Variants in NBEA observed in about 807,000 individuals in gnomAD.
NBEA encodes lysosomal-trafficking regulator 2.
NBEA carries 44 observed loss-of-function variants against 343.4 expected under a neutral mutation model. The ratio of observed to expected loss-of-function variants is 0.13; its 90% CI spans 0.10 to 0.16. The LOEUF is 0.16. Among genes scored for constraint, NBEA ranks in the 10% least tolerant of loss-of-function variants. The pLI is 1.00. For missense variants in NBEA, 2,555 were observed against 3,631.3 expected, an observed-to-expected ratio of 0.70 and a Z score of 7.62; for synonymous variants, 1,175 against 1,238.7, an observed-to-expected ratio of 0.95 and a Z score of 1.08.
At chr13:35,232,432 GTTTA>G (rs2075028089) in intron 33 of NBEA, 56 bp from the exon 34 acceptor site, 5 of 1,151,892 alleles carry the variant, frequency 4.3e-6, no homozygotes, top group Non-Finnish European at 6.1e-6. Context: ...TAGAAGTAAA[GTTTA>G]TTTGACATTT....
chr13:35,668,928 A>C (rs1280004066), intron 58 of NBEA, among the ~76,000 whole-genome samples: 2 of 152,212 alleles, frequency 1.3e-5, no homozygotes, highest in Non-Finnish European at 2.9e-5. Context: ...TTTCCAGCAA[A>C]GTGCATAGTG....
At chr13:35,273,973 C>G (rs892313280) in intron 34 of NBEA, among the ~76,000 whole-genome samples, 1 of 152,122 alleles carries the variant, frequency 6.6e-6, no homozygotes, top group Non-Finnish European at 1.5e-5. Flanking sequence ...TGAAACTATT[C>G]CAATCAATAG....
At chr13:35,392,124 C>A (rs182034767) in intron 38 of NBEA, among the ~76,000 whole-genome samples, 9 of 152,092 alleles carry the variant, frequency 5.9e-5, no homozygotes, top group African/African-American at 2.2e-4. Context: ...CTACAAATAT[C>A]ATATTTGTAT....
intron 1 of NBEA, among the ~76,000 whole-genome samples, chr13:34,973,827 C>A (rs1163487397): frequency 6.6e-6 from 1 of 152,170 alleles, no homozygotes; most frequent in Non-Finnish European, 1.5e-5. Context: ...ATTCAGCCCC[C>A]TTCCCAGGGG....
Position 35,183,993 on chromosome 13 carries a change from A to G in NBEA, c.4849A>G (p.Ile1617Val). Reference sequence around the variant, plus strand: ...CTCCACAGTTGTGGTCATACCATCTATCCCTCATCCAAGTTTGAACCATGG... The same window carrying G: ...CTCCACAGTTGTGGTCATACCATCTGTCCCTCATCCAAGTTTGAACCATGG... ...PTSTVVVIPSIPHPSLNHGFL... is the reference protein window; with the variant it reads ...PTSTVVVIPSVPHPSLNHGFL... Residue 1617 changes from isoleucine (I) to valine (V), a missense_variant, in exon 30 of 59, where the codon ATC (isoleucine) becomes GTC (valine). Ile to Val is a conservative substitution (Grantham distance 29). Around this residue, in one of 21 missense-constraint regions of NBEA, gnomAD observed 270 missense variants for 293.3 expected, o/e 0.92. Coordinates refer to ENST00000379939, the MANE Select transcript of NBEA (RefSeq NM_001385012.1). 2 of 1,611,390 alleles carry G rather than the reference A, an allele frequency of 1.2e-6. No homozygotes were observed. Among genetic ancestry groups the G allele is most frequent in the Non-Finnish European group, 1.7e-6 (2 of 1,178,320 alleles).
chr13:35,529,873 T>A (rs1473412598), intron 41 of NBEA, among the ~76,000 whole-genome samples: 1 of 152,218 alleles, frequency 6.6e-6, no homozygotes, highest in East Asian at 1.9e-4. Flanking sequence ...TTACACATAT[T>A]TGTCCTCAGA....
chr13:35,200,134 T>C (rs1480281640), intron 31 of NBEA, among the ~76,000 whole-genome samples: 1 of 152,022 alleles, frequency 6.6e-6, no homozygotes, highest in Non-Finnish European at 1.5e-5. Flanking sequence ...AGCTTAATAA[T>C]CTCATTTTAG....
rs115082044 is a variant in NBEA at position 35,435,951 on chromosome 13, C to T, written c.6304+3558C>T. On this transcript the variant is annotated intron_variant, in intron 39 of 58. Transcript: ENST00000379939. ...AACAATTCCCTATCTAGGAACTTGACCCAAGGAAATGACTTAAAAGACAGG... is the reference window on the plus strand; with the variant it reads ...AACAATTCCCTATCTAGGAACTTGATCCAAGGAAATGACTTAAAAGACAGG... 5.5e-3 allele frequency among the ~76,000 whole-genome samples: 833 copies of T among 151,926 alleles called. 9 individuals carry two copies. The highest frequency in any genetic ancestry group is 0.019 in the African/African-American group (781 of 41,450).
At chr13:35,522,812 C>G (rs1308706873) in intron 41 of NBEA, among the ~76,000 whole-genome samples, 1 of 152,048 alleles carries the variant, frequency 6.6e-6, no homozygotes, top group African/African-American at 2.4e-5. Flanking sequence ...CCTGATGATC[C>G]GAGGTGGAAC....
At chr13:35,502,711 C>A (rs1356021306) in intron 41 of NBEA, among the ~76,000 whole-genome samples, 1 of 151,970 alleles carries the variant, frequency 6.6e-6, no homozygotes, top group Admixed American at 6.6e-5. Context: ...AATTGGTAAA[C>A]CCTGCAAATT....
At chr13:35,072,680 G>A (rs1192790831) in intron 10 of NBEA, among the ~76,000 whole-genome samples, 1 of 152,062 alleles carries the variant, frequency 6.6e-6, no homozygotes, top group Admixed American at 6.6e-5. Flanking sequence ...CCTTGCCTAA[G>A]CCTCCCAAGC....
intron 48 of NBEA, among the ~76,000 whole-genome samples, chr13:35,621,320 T>C (rs1482670216): frequency 6.6e-6 from 1 of 152,164 alleles, no homozygotes; most frequent in Non-Finnish European, 1.5e-5. Context: ...GAATGAATGC[T>C]CCCTCTGTTT....
chr13:35,559,691 G>A (rs2079761998), intron 44 of NBEA, among the ~76,000 whole-genome samples: 1 of 152,206 alleles, frequency 6.6e-6, no homozygotes, highest in South Asian at 2.1e-4. Context: ...CGAGGCAGGT[G>A]GATCACGAGG....
At chr13:35,070,604 G>T (rs1593247418) in intron 9 of NBEA, 115 bp from the exon 10 acceptor site, 1 of 934,276 alleles carries the variant, frequency 1.1e-6, no homozygotes, top group Non-Finnish European at 1.5e-6. Flanking sequence ...ATAATTGAAG[G>T]CTTAAAAATG....
chr13:35,182,194 A>G (rs2071363501), intron 28 of NBEA, among the ~76,000 whole-genome samples, 166 bp from the exon 29 acceptor site: 1 of 151,088 alleles, frequency 6.6e-6, no homozygotes, highest in African/African-American at 2.4e-5. Context: ...TTATATTTAT[A>G]GTTAAATAAT....
chr13:35,582,612 T>C (rs1230760745), intron 45 of NBEA, among the ~76,000 whole-genome samples: 4 of 152,216 alleles, frequency 2.6e-5, no homozygotes, highest in Admixed American at 6.5e-5. Context: ...ATTAACACTT[T>C]TGTGCGTGAA....
chr13:35,594,947 T>TCATCA (rs1555312574), intron 47 of NBEA, among the ~76,000 whole-genome samples: 3 of 111,052 alleles, frequency 2.7e-5, no homozygotes, highest in African/African-American at 9.6e-5. Flanking sequence ...TTTGACATCA[T>TCATCA]CACACACACA....
At chr13:35,208,201 C>T (rs930589563) in intron 31 of NBEA, among the ~76,000 whole-genome samples, 2 of 151,646 alleles carry the variant, frequency 1.3e-5, no homozygotes, top group East Asian at 1.9e-4. Flanking sequence ...CCTGGGTGAC[C>T]GAGTGAAATT....
intron 39 of NBEA, among the ~76,000 whole-genome samples, chr13:35,443,908 G>A (rs919957084): frequency 3.3e-5 from 5 of 151,744 alleles, no homozygotes; most frequent in Admixed American, 6.6e-5. Flanking sequence ...ATTAATCTTC[G>A]TTAGAAAAGT....
Sources: gnomAD v4.1 joint callset for allele counts (sites outside exome capture counted in the v4.1 genomes callset) on GRCh38, gnomAD v4.1.1 for gene constraint, gnomAD v4.1.1 regional missense constraint, MANE v1.5 for transcripts, NCBI Gene and HGNC (gene_info 2026-07-23, HGNC 2026-07-21) for gene names.